Variants in COL4A2 observed in about 807,000 individuals in gnomAD.
COL4A2 encodes the protein collagen alpha-2(IV) chain.
In COL4A2, 99 loss-of-function variants were observed where a neutral mutation model predicts 200.2. The observed-to-expected ratio is 0.49, with a 90% CI of 0.42 to 0.58. The LOEUF is 0.58. Among genes scored for constraint, COL4A2 ranks in the 20% least tolerant of loss-of-function variants. The pLI is 0.00. For missense variants in COL4A2, 1,950 were observed against 2,314.1 expected, an observed-to-expected ratio of 0.84 and a Z score of 3.23; for synonymous variants, 897 against 900.6, an observed-to-expected ratio of 1.00 and a Z score of 0.07.
chr13:110,404,431 A>G (rs1476843729), intron 4 of COL4A2, among the ~76,000 whole-genome samples: 1 of 152,202 alleles, frequency 6.6e-6, no homozygotes, highest in African/African-American at 2.4e-5. Flanking sequence ...GCAGACTTGT[A>G]TCAGGCAGCT....
chr13:110,313,370 G>A (rs2893367), intron 3 of COL4A2, among the ~76,000 whole-genome samples: 117,729 of 151,332 alleles, frequency 0.78, 45,925 homozygotes, highest in East Asian at 0.87. Flanking sequence ...TAATTCTAGG[G>A]AGACTTCACA....
At chr13:110,427,613 A>G (rs890248394) in intron 6 of COL4A2, among the ~76,000 whole-genome samples, 1 of 152,250 alleles carries the variant, frequency 6.6e-6, no homozygotes, top group Non-Finnish European at 1.5e-5. Context: ...CTAAATATCT[A>G]TTGTTTAAAG....
intron 3 of COL4A2, among the ~76,000 whole-genome samples, chr13:110,340,101 T>G (rs1289501851): frequency 6.6e-6 from 1 of 152,184 alleles, no homozygotes; most frequent in Non-Finnish European, 1.5e-5. Context: ...GGGCACCTGG[T>G]GCCCCTGCAG....
rs113002306 is a variant in COL4A2, at chr13:110,434,758, G to A, written c.726+316G>A. 3.4e-3 allele frequency among the ~76,000 whole-genome samples: 523 copies of A among 152,322 alleles called. 1 individual carries two copies. The highest frequency in any genetic ancestry group is 0.012 in the African/African-American group (500 of 41,574). ...CTGAGTGCATCTTCTCCTGTGTGGA[G>A]CCCAGAGGTGATGGAGGGGACTGAG... On this transcript the variant is annotated intron_variant, in intron 12 of 47. Transcript: ENST00000360467.
intron 15 of COL4A2, among the ~76,000 whole-genome samples, chr13:110,439,276 T>C (rs1743328865): frequency 1.3e-5 from 2 of 152,122 alleles, no homozygotes; most frequent in African/African-American, 4.8e-5. Flanking sequence ...TTGCTACCAC[T>C]CAAAAGACCG....
At chr13:110,367,327 C>T (rs539814343) in intron 4 of COL4A2, among the ~76,000 whole-genome samples, 1 of 152,330 alleles carries the variant, frequency 6.6e-6, no homozygotes, top group African/African-American at 2.4e-5. Context: ...GTTCTTGGCT[C>T]CATTGTCAGC....
At chr13:110,426,430 A>T (rs1465514135) in intron 6 of COL4A2, among the ~76,000 whole-genome samples, 1 of 152,216 alleles carries the variant, frequency 6.6e-6, no homozygotes, top group Non-Finnish European at 1.5e-5. Context: ...TGCTCAAAGG[A>T]TCCAGTCTCT....
chr13:110,452,714 A>G (rs1881587757), intron 20 of COL4A2, among the ~76,000 whole-genome samples: 1 of 152,174 alleles, frequency 6.6e-6, no homozygotes, highest in Non-Finnish European at 1.5e-5. Context: ...ATTTCCCTGG[A>G]TCATGAACCT....
chr13:110,361,068 G>C (rs1348461699), intron 4 of COL4A2, among the ~76,000 whole-genome samples: 2 of 152,212 alleles, frequency 1.3e-5, no homozygotes, highest in East Asian at 3.9e-4. Flanking sequence ...AAAGAGATCA[G>C]TGATGCCATT....
chr13:110,502,065 C>T lies in COL4A2; in HGVS notation c.3877+281C>T, dbSNP rs548949276. ...GTGCAGTATGAACGGCTTTCTTCTT[C>T]CTCACTGTATTGTGTTTAGACAAGT... On this transcript the variant is annotated intron_variant, in intron 41 of 47. Coordinates refer to ENST00000360467, the MANE Select transcript of COL4A2 (RefSeq NM_001846.4). 2.6e-5 allele frequency among the ~76,000 whole-genome samples: 4 copies of T among 152,332 alleles called. No homozygotes were observed. The East Asian group carries it at 7.7e-4, about 29-fold the overall frequency.
chr13:110,474,740 C>T (rs561829253), intron 29 of COL4A2, among the ~76,000 whole-genome samples: 2 of 118,622 alleles, frequency 1.7e-5, no homozygotes, highest in South Asian at 2.8e-4. Context: ...TACCCACACA[C>T]GTGCCGTGCA....
At chr13:110,445,483 G>A (rs1881287555) in intron 16 of COL4A2, among the ~76,000 whole-genome samples, 1 of 152,152 alleles carries the variant, frequency 6.6e-6, no homozygotes, top group Non-Finnish European at 1.5e-5. Flanking sequence ...ACTGACTGCA[G>A]CCCACCACAA....
chr13:110,316,743 G>A (rs891566864), intron 3 of COL4A2, among the ~76,000 whole-genome samples: 2 of 152,162 alleles, frequency 1.3e-5, no homozygotes, highest in Non-Finnish European at 2.9e-5. Flanking sequence ...GAAGGCACCT[G>A]GTAGGTCAAT....
chr13:110,487,469 A>T (rs1233045474), intron 34 of COL4A2, among the ~76,000 whole-genome samples: 1 of 152,190 alleles, frequency 6.6e-6, no homozygotes, highest in Non-Finnish European at 1.5e-5. Flanking sequence ...AAGACAAGAA[A>T]AAAGAAAGAT....
At chr13:110,467,004 T>C in intron 26 of COL4A2, 36 bp from the exon 27 acceptor site, 1 of 1,613,718 alleles carries the variant, frequency 6.2e-7, no homozygotes. Flanking sequence ...GTGTTTAGGA[T>C]TGCTTGGGCT....
intron 12 of COL4A2, among the ~76,000 whole-genome samples, chr13:110,435,238 AAAAG>A (rs750424676): frequency 3.9e-5 from 6 of 152,230 alleles, no homozygotes; most frequent in African/African-American, 9.6e-5. Context: ...TCTGGGAAAA[AAAAG>A]AAAGAAAAAC....
rs1379233742 is a variant in COL4A2, at chr13:110,473,043, C to T, written c.2318C>T (p.Pro773Leu). 1.3e-6 allele frequency: 2 copies of T among 1,518,174 alleles called. No homozygotes were observed. The highest frequency in any genetic ancestry group is 2.4e-5 in the East Asian group (1 of 40,946). The allele number at this position is 1,518,174 out of a possible 1,614,324, so 94.0% of individuals were successfully genotyped here. ...GGGCCCCCTGGGGAAAGGGGCCTCC[C>T]TGGAGAAGTCCTGGGAGCTCAGCCC... ...PDGPPGERGL[P>L]GEVLGAQPGP... is the part of the protein sequence containing the mutation. Residue 773 changes from proline (P) to leucine (L), a missense_variant, in exon 29 of 48, where the codon CCT (proline) becomes CTT (leucine). Transcript: ENST00000360467.
rs143355638 is a variant in COL4A2 at position 110,424,039 on chromosome 13, G to A, written c.181-695G>A. 2.6e-5 allele frequency among the ~76,000 whole-genome samples: 4 copies of A among 152,220 alleles called. 1 individual carries two copies. The highest frequency in any genetic ancestry group is 4.4e-5 in the Non-Finnish European group (3 of 68,016). ...GTACCAAAGCTAGCCCCTGCTTTCT[G>A]TATGCCCAGAAGTGGAATCGTGGGA... On this transcript the variant is annotated intron_variant, in intron 4 of 47. Transcript: ENST00000360467.
intron 29 of COL4A2, among the ~76,000 whole-genome samples, chr13:110,476,974 A>G (rs1882727652): frequency 1.3e-5 from 2 of 152,252 alleles, no homozygotes; most frequent in South Asian, 4.1e-4. Context: ...AAACTTTACA[A>G]TAGATATGAA....
Sources: allele counts gnomAD v4.1 joint callset (sites outside exome capture counted in the v4.1 genomes callset), GRCh38; gene constraint gnomAD v4.1.1; transcripts MANE v1.5; gene names NCBI Gene and HGNC (gene_info 2026-07-23, HGNC 2026-07-21).